NCKAP5: variants seen among roughly 807,000 people sequenced by gnomAD.
The protein encoded by NCKAP5 is nck-associated protein 5.
NCKAP5 carries 92 observed loss-of-function variants against 167.0 expected under a neutral mutation model. The ratio of observed to expected loss-of-function variants is 0.55; its 90% confidence interval spans 0.47 to 0.66. The LOEUF (loss-of-function observed/expected upper bound fraction) is 0.66. NCKAP5 is among the 30% of genes least tolerant of loss of function. The pLI is 0.00. For synonymous variants in NCKAP5, 891 were observed against 877.4 expected, an observed-to-expected ratio of 1.02 and a Z score of -0.27; for missense variants, 2,378 against 2,315.0, an observed-to-expected ratio of 1.03 and a Z score of -0.56.
chr2:132,795,829 A>C (rs1476563079), intron 12 of NCKAP5, among the ~76,000 whole-genome samples: 2 of 150,236 alleles, frequency 1.3e-5, no homozygotes, highest in East Asian at 1.9e-4. Context: ...AGAAAAAAAA[A>C]AAAAAAAAAC....
At chr2:133,632,646 T>C in the NCKAP5 span, among the ~76,000 whole-genome samples, 1 of 152,240 alleles carries the variant, frequency 6.6e-6, no homozygotes, top group Non-Finnish European at 1.5e-5. Flanking sequence ...TGTCTCATCC[T>C]CCTGCGTCAG....
the NCKAP5 span, among the ~76,000 whole-genome samples, chr2:133,661,165 G>A: frequency 1.3e-5 from 2 of 151,998 alleles, no homozygotes; most frequent in South Asian, 2.1e-4. Flanking sequence ...TGATGAGGGT[G>A]GTAGGTGTAG....
At chr2:133,063,025 GCA>G (rs2080063756) in intron 6 of NCKAP5, among the ~76,000 whole-genome samples, 1 of 152,176 alleles carries the variant, frequency 6.6e-6, no homozygotes, top group African/African-American at 2.4e-5. Flanking sequence ...TATAAAGAAA[GCA>G]CTAGAAGAGG....
At chr2:132,843,458 T>G (rs776312638) in intron 11 of NCKAP5, among the ~76,000 whole-genome samples, 2 of 152,132 alleles carry the variant, frequency 1.3e-5, no homozygotes, top group Non-Finnish European at 2.9e-5. Context: ...CCTCTTCATC[T>G]GTTTAAGGCT....
chr2:133,047,407 T>A (rs2079440382), intron 6 of NCKAP5, among the ~76,000 whole-genome samples: 3 of 152,334 alleles, frequency 2.0e-5, no homozygotes, highest in Admixed American at 2.0e-4. Flanking sequence ...TCCTTAAAAG[T>A]CTTCCTATGA....
At chr2:133,576,645 T>C in the NCKAP5 span, among the ~76,000 whole-genome samples, 1 of 152,100 alleles carries the variant, frequency 6.6e-6, no homozygotes, top group Non-Finnish European at 1.5e-5. Flanking sequence ...TCTGTTTTGA[T>C]AAAAAAATAA....
intron 16 of NCKAP5, among the ~76,000 whole-genome samples, chr2:132,746,365 C>T (rs1679644280): frequency 6.6e-6 from 1 of 151,820 alleles, no homozygotes; most frequent in Admixed American, 6.6e-5. Context: ...GAAAAGTAAA[C>T]CCTTTTCTCA....
intron 7 of NCKAP5, among the ~76,000 whole-genome samples, chr2:132,981,897 T>C (rs1264974761): frequency 1.3e-5 from 2 of 152,204 alleles, no homozygotes; most frequent in African/African-American, 4.8e-5. Context: ...AGCTGGAGTA[T>C]GGAAACAACA....
chr2:133,020,973 T>C (rs2078506554), intron 6 of NCKAP5, among the ~76,000 whole-genome samples: 1 of 152,116 alleles, frequency 6.6e-6, no homozygotes, highest in South Asian at 2.1e-4. Context: ...GTTACCTACT[T>C]GTGGTAATGA....
chr2:133,245,959 C>T (rs954815562), intron 4 of NCKAP5, among the ~76,000 whole-genome samples: 1 of 149,704 alleles, frequency 6.7e-6, no homozygotes, highest in Non-Finnish European at 1.5e-5. Flanking sequence ...AATTATAATG[C>T]TAGGGCAGTC....
chr2:133,080,606 T>C (rs1178326953), intron 6 of NCKAP5, among the ~76,000 whole-genome samples: 1 of 152,178 alleles, frequency 6.6e-6, no homozygotes, highest in Non-Finnish European at 1.5e-5. Context: ...TCTGACCCTT[T>C]ACAAATAACA....
chr2:132,685,400 A>G (rs1277201680), intron 19 of NCKAP5, among the ~76,000 whole-genome samples: 2 of 152,194 alleles, frequency 1.3e-5, no homozygotes, highest in African/African-American at 4.8e-5. Context: ...CAGTGGCCCC[A>G]TTCAACAGGA....
chr2:133,360,167 T>C (rs9808351), intron 3 of NCKAP5, among the ~76,000 whole-genome samples: 3 of 152,176 alleles, frequency 2.0e-5, no homozygotes, highest in Admixed American at 2.0e-4. Context: ...TCATGATTGA[T>C]TTTTAGAGAG....
In NCKAP5 at chr2:133,387,645, C is replaced by T. The variant is rs528322614; in HGVS notation, c.70-84535G>A. 2.0e-5 allele frequency among the ~76,000 whole-genome samples: 3 copies of T among 152,340 alleles called. No individual in the cohort carries two copies. In the South Asian group the frequency reaches 6.2e-4, roughly 32 times the overall value. On this transcript the variant is annotated intron_variant, in intron 3 of 19. Coordinates refer to ENST00000409261, the MANE Select transcript of NCKAP5 (RefSeq NM_207363.3). ...TAATATCCTGAAGAGTGTTTTCCAG[C>T]TTGGTTTCATTCTCCCTGTCACTTT...
intron 7 of NCKAP5, among the ~76,000 whole-genome samples, chr2:132,971,369 C>G (rs1338259561): frequency 6.6e-6 from 1 of 152,116 alleles, no homozygotes; most frequent in African/African-American, 2.4e-5. Flanking sequence ...GCCAGGGTCT[C>G]TGGGGAGGGA....
intron 19 of NCKAP5, among the ~76,000 whole-genome samples, chr2:132,725,031 GA>G (rs2105423833): frequency 6.6e-6 from 1 of 152,308 alleles, no homozygotes; most frequent in Non-Finnish European, 1.5e-5. Flanking sequence ...TGAATTAGAA[GA>G]AAAGCAGAGC....
chr2:132,878,713 A>G, intron 9 of NCKAP5, 135 bp downstream of exon 9: 1 of 710,178 alleles, frequency 1.4e-6, no homozygotes, highest in Non-Finnish European at 2.5e-6. Context: ...CAATGGCTAC[A>G]TGTTTACTAC....
At chr2:132,775,090 A>G (rs2104970126) in intron 15 of NCKAP5, among the ~76,000 whole-genome samples, 1 of 152,320 alleles carries the variant, frequency 6.6e-6, no homozygotes, top group East Asian at 1.9e-4. Context: ...TAGGCAGCCA[A>G]TGATAATAAC....
chr2:133,180,320 G>C (rs1029006550), intron 5 of NCKAP5, among the ~76,000 whole-genome samples: 6 of 150,728 alleles, frequency 4.0e-5, no homozygotes, highest in Non-Finnish European at 8.9e-5. Flanking sequence ...GATTAAAGAC[G>C]TTTTTTTTTC....
Sources: gnomAD v4.1 joint callset for allele counts (sites outside exome capture counted in the v4.1 genomes callset) on GRCh38, gnomAD v4.1.1 for gene constraint, MANE v1.5 for transcripts, NCBI Gene and HGNC (gene_info 2026-07-23, HGNC 2026-07-21) for gene names.